Variants in PRKAG2 observed in about 807,000 individuals in gnomAD.
The protein encoded by PRKAG2 is protein kinase AMP-activated non-catalytic subunit gamma 2.
PRKAG2 carries 26 observed loss-of-function variants against 69.6 expected under a neutral mutation model. That is an observed-to-expected ratio of 0.37 (90% confidence interval 0.27 to 0.52). The LOEUF is 0.52. PRKAG2 is among the 20% of genes least tolerant of loss of function. The pLI, the probability that PRKAG2 is intolerant of heterozygous loss-of-function variation, is 0.90. For synonymous variants in PRKAG2, 293 were observed against 285.0 expected, an observed-to-expected ratio of 1.03 and a Z score of -0.28; for missense variants, 557 against 740.0, an observed-to-expected ratio of 0.75 and a Z score of 2.87.
chr7:151,679,965 T>C (rs1295500594), intron 3 of PRKAG2, among the ~76,000 whole-genome samples: 1 of 151,550 alleles, frequency 6.6e-6, no homozygotes, highest in Non-Finnish European at 1.5e-5. Context: ...CATGGCGAGA[T>C]TGCTTGAGCC....
intron 1 of PRKAG2, among the ~76,000 whole-genome samples, chr7:151,818,674 G>C (rs1179842054): frequency 6.6e-6 from 1 of 152,232 alleles, no homozygotes; most frequent in African/African-American, 2.4e-5. Flanking sequence ...GCAGGGGAAA[G>C]CCAGAGGCCA....
chr7:151,591,938 C>T (rs1391173823), intron 6 of PRKAG2, among the ~76,000 whole-genome samples: 2 of 152,152 alleles, frequency 1.3e-5, no homozygotes, highest in African/African-American at 2.4e-5. Context: ...AAGCTAGCCA[C>T]GAGATGCGGA....
intron 3 of PRKAG2, among the ~76,000 whole-genome samples, chr7:151,677,257 G>A (rs62478166): frequency 0.11 from 17,288 of 152,106 alleles, 1,064 homozygotes; most frequent in South Asian, 0.21. Context: ...TGTGATCTCA[G>A]CTCACTGCAA....
At chr7:151,812,278 G>A (rs2078459981) in intron 1 of PRKAG2, among the ~76,000 whole-genome samples, 1 of 152,314 alleles carries the variant, frequency 6.6e-6, no homozygotes, top group South Asian at 2.1e-4. Flanking sequence ...GGCCTGGGCT[G>A]AGTCTGAGAG....
rs1881623 is a variant in PRKAG2 at position 151,836,199 on chromosome 7, T to G, written c.114+40308A>C. Among the ~76,000 whole-genome samples, 15,830 of 152,208 alleles carry G rather than the reference T, an allele frequency of 0.1. 1,282 individuals carry two copies. The highest frequency in any genetic ancestry group is 0.45 in the East Asian group (2,318 of 5,168). ...TATAGCATGATTTCTCTTTTATGTT[T>G]TGTCTGTCATCTCTTCCCCAGGAGA... is the stretch of plus-strand genomic sequence containing the variant. On this transcript the variant is annotated intron_variant, in intron 1 of 15. Coordinates refer to ENST00000287878, the MANE Select transcript of PRKAG2 (RefSeq NM_016203.4). The surrounding 1 kb of genome is among the most constrained non-coding windows in gnomAD (Gnocchi z 4.1).
chr7:151,805,065 T>G (rs2078033865), intron 1 of PRKAG2, among the ~76,000 whole-genome samples: 1 of 152,222 alleles, frequency 6.6e-6, no homozygotes, highest in African/African-American at 2.4e-5. Context: ...ATACATGTGC[T>G]GTCTCCTGTT....
chr7:151,758,014 C>T (rs777003530), intron 3 of PRKAG2, among the ~76,000 whole-genome samples: 14 of 152,240 alleles, frequency 9.2e-5, no homozygotes, highest in Non-Finnish European at 1.3e-4. Context: ...TAAATCTTCC[C>T]CGGGTGTCAG....
At chr7:151,796,371 G>A (rs936106946) in intron 1 of PRKAG2, among the ~76,000 whole-genome samples, 4 of 152,188 alleles carry the variant, frequency 2.6e-5, no homozygotes, top group Non-Finnish European at 4.4e-5. Flanking sequence ...GTGAAGGGCC[G>A]TTGTCCTGGC....
chr7:151,708,127 C>A (rs1838935292), intron 3 of PRKAG2, among the ~76,000 whole-genome samples: 1 of 152,254 alleles, frequency 6.6e-6, no homozygotes, highest in Non-Finnish European at 1.5e-5. Context: ...TGCCCAGCAA[C>A]ATTTGGCTGA....
chr7:151,626,968 T>C (rs1823099246), intron 5 of PRKAG2, among the ~76,000 whole-genome samples: 1 of 152,224 alleles, frequency 6.6e-6, no homozygotes, highest in African/African-American at 2.4e-5. Context: ...AGGGTGTTAC[T>C]CACTCCAGTT....
At chr7:151,664,894 T>G in intron 4 of PRKAG2, among the ~76,000 whole-genome samples, 1 of 152,060 alleles carries the variant, frequency 6.6e-6, no homozygotes, top group East Asian at 1.9e-4. Context: ...ATCGTCATGG[T>G]TAAGGGATGC....
At chr7:151,726,995 C>T (rs985335879) in intron 3 of PRKAG2, among the ~76,000 whole-genome samples, 3 of 152,116 alleles carry the variant, frequency 2.0e-5, no homozygotes, top group South Asian at 2.1e-4. Context: ...GCGGGCGGAT[C>T]ACCTGAGGTC....
At chr7:151,563,819 A>G (rs879265963) in intron 14 of PRKAG2, among the ~76,000 whole-genome samples, 7 of 152,246 alleles carry the variant, frequency 4.6e-5, no homozygotes, top group Non-Finnish European at 8.8e-5. Flanking sequence ...AGTTTAAACT[A>G]TGAATGTATC....
chr7:151,560,778 C>T (rs1280060396), intron 14 of PRKAG2, among the ~76,000 whole-genome samples, 161 bp from the exon 15 acceptor site: 1 of 152,156 alleles, frequency 6.6e-6, no homozygotes. Context: ...TAGACAGTGG[C>T]TGGGTGTGCT....
chr7:151,779,440 T>C (rs184742464), intron 3 of PRKAG2, among the ~76,000 whole-genome samples: 2 of 152,302 alleles, frequency 1.3e-5, no homozygotes, highest in East Asian at 3.9e-4. Flanking sequence ...CATGGAGGGC[T>C]CTGTGCAGGA....
At chr7:151,871,594 C>T (rs2080221113) in intron 1 of PRKAG2, among the ~76,000 whole-genome samples, 1 of 152,234 alleles carries the variant, frequency 6.6e-6, no homozygotes, top group African/African-American at 2.4e-5. Flanking sequence ...CGTTCCCTTC[C>T]CCAGTACACA....
intron 3 of PRKAG2, among the ~76,000 whole-genome samples, chr7:151,697,858 C>T (rs1049334640): frequency 4.6e-5 from 7 of 152,170 alleles, no homozygotes; most frequent in Admixed American, 2.0e-4. Flanking sequence ...TAAAGAAGGA[C>T]GGGTGTAACG....
chr7:151,614,112 G>A lies in PRKAG2; in HGVS notation c.754+17957C>T, dbSNP rs1045078726. Among the ~76,000 whole-genome samples the A allele has an allele frequency of 2.0e-5, 3 of 152,218 alleles. No homozygotes were observed. Among genetic ancestry groups the A allele is most frequent in the African/African-American group, 7.2e-5 (3 of 41,464 alleles). ...TCTCTGGTCTCACTGGAGCCGACCA[G>A]GAGGTGCCCCGTTCCCACGGCTATG... On this transcript the variant is annotated intron_variant, in intron 5 of 15. Coordinates refer to ENST00000287878, the MANE Select transcript of PRKAG2 (RefSeq NM_016203.4). This position sits in a 1 kb window ranked among gnomAD's most constrained non-coding sequence, Gnocchi z 4.4.
intron 3 of PRKAG2, among the ~76,000 whole-genome samples, chr7:151,684,021 C>A (rs764477035): frequency 1.3e-5 from 2 of 152,216 alleles, no homozygotes; most frequent in Non-Finnish European, 2.9e-5. Context: ...CAGGTTTTAC[C>A]TTCCACCCCT....
Sources: allele counts gnomAD v4.1 joint callset (sites outside exome capture counted in the v4.1 genomes callset), GRCh38; gene constraint gnomAD v4.1.1; non-coding constraint Gnocchi (gnomAD v3.1); transcripts MANE v1.5; gene names NCBI Gene and HGNC (gene_info 2026-07-23, HGNC 2026-07-21).